ZNF529: variants seen among roughly 807,000 people sequenced by gnomAD.
ZNF529 encodes the protein zinc finger protein 529.
ZNF529 carries 11 observed loss-of-function variants against 10.1 expected under a neutral mutation model. That is an observed-to-expected ratio of 1.09 (90% confidence interval 0.69 to 1.81). The LOEUF is 1.81. ZNF529 is among the 40% of genes most tolerant of loss of function. ZNF529 has a pLI of 0.00. For synonymous variants in ZNF529, 204 were observed against 215.7 expected (o/e 0.95, Z 0.47); for missense variants, 624 against 666.8 (o/e 0.94, Z 0.71).
Position 36,547,937 on chromosome 19 carries a change from G to C in ZNF529, c.621C>G (p.Thr207=). 1 of 1,612,426 alleles carries C rather than the reference G, an allele frequency of 6.2e-7. No individual in the cohort carries two copies. The highest frequency in any genetic ancestry group is 1.1e-5 in the South Asian group (1 of 90,742). The stretch of plus-strand genomic sequence containing the variant: ...ACATACTGGAGTTATCTATCCCAAA[G>C]GTTTTCCAACATTGATTACATTCAT... The part of the protein sequence containing the change: ...KNYECNQCWK[T]FGIDNSSMLQ... The change falls in exon 5 of 5, where the codon ACC becomes ACG. Residue 207 remains threonine (T), a synonymous_variant. Transcript: ENST00000591340.
intron 2 of ZNF529, among the ~76,000 whole-genome samples, chr19:36,560,257 C>CAA (rs58196878): frequency 2.4e-3 from 253 of 103,324 alleles, no homozygotes; most frequent in Middle Eastern, 0.011. Flanking sequence ...AACTCCGTCT[C>CAA]AAAAAAAAAA....
intron 2 of ZNF529, among the ~76,000 whole-genome samples, chr19:36,566,831 C>T (rs911893305): frequency 2.6e-5 from 4 of 152,080 alleles, no homozygotes; most frequent in African/African-American, 9.7e-5. Flanking sequence ...ACCAGCCCGG[C>T]CAATATGGTA....
intron 2 of ZNF529, among the ~76,000 whole-genome samples, chr19:36,586,360 A>C (rs1325355902): frequency 2.6e-5 from 4 of 152,008 alleles, no homozygotes; most frequent in Non-Finnish European, 5.9e-5. Flanking sequence ...TAATCCCAGC[A>C]CTTTGGGAGG....
At chr19:36,587,648 T>G (rs945909269) in intron 2 of ZNF529, among the ~76,000 whole-genome samples, 2 of 152,216 alleles carry the variant, frequency 1.3e-5, no homozygotes, top group African/African-American at 4.8e-5. Context: ...AGATGTCATA[T>G]CCTTACCACA....
At chr19:36,596,108 C>G (rs1341990737) in intron 1 of ZNF529, among the ~76,000 whole-genome samples, 1 of 134,478 alleles carries the variant, frequency 7.4e-6, no homozygotes, top group African/African-American at 2.9e-5. Flanking sequence ...CTCTGTCACC[C>G]AGGCTGGAGT....
At chr19:36,558,070 G>C (rs950818146) in intron 2 of ZNF529, among the ~76,000 whole-genome samples, 17 of 152,020 alleles carry the variant, frequency 1.1e-4, no homozygotes, top group African/African-American at 3.9e-4. Flanking sequence ...GGACTCAATA[G>C]TAGACATGAA....
In ZNF529 at chr19:36,547,045, G is replaced by A. The variant is rs757025877; in HGVS notation, c.1513C>T (p.Pro505Ser). The change falls in exon 5 of 5, where the codon CCC becomes TCC. Residue 505 changes from proline (P) to serine (S), a missense_variant. Physicochemically the swap from Pro to Ser is moderately conservative, Grantham distance 74 (BLOSUM62 -1). Transcript: ENST00000591340. ...TTCCCACATGCCTTGCATTCATAGG[G>A]TTTTTCTCCAGTATGAATTCTCTGA... Reference protein sequence around the residue: ...EHQRIHTGEKPYECKACGKAF... With the variant: ...EHQRIHTGEKSYECKACGKAF... 1 of 1,613,994 alleles carries A rather than the reference G, an allele frequency of 6.2e-7. No homozygotes were observed.
At chr19:36,582,632 C>T (rs1174238220) in intron 2 of ZNF529, 3 of 150,346 alleles carry the variant, frequency 2.0e-5, no homozygotes, top group Admixed American at 6.6e-5. Context: ...GGCCTAAATC[C>T]GGGAGGAGGA....
At chr19:36,601,759 C>T (rs1173090851) in intron 1 of ZNF529, among the ~76,000 whole-genome samples, 1 of 151,954 alleles carries the variant, frequency 6.6e-6, no homozygotes, top group Admixed American at 6.6e-5. Context: ...CAAATTCACA[C>T]ACAGTATTAA....
chr19:36,582,211 A>C (rs2036478830), intron 2 of ZNF529: 2 of 152,188 alleles, frequency 1.3e-5, no homozygotes, highest in Admixed American at 6.5e-5. Flanking sequence ...TCACATTTAC[A>C]GGATGAAAAA....
rs2035092010 is a variant in ZNF529, at chr19:36,547,672, G to A, written c.886C>T (p.Gln296Ter). Residue 296 changes from glutamine (Q) to a stop codon, truncating the protein, a stop_gained, in exon 5 of 5, where the codon CAA becomes TAA. Transcript: ENST00000591340. LOFTEE classifies it low-confidence loss of function (END_TRUNC). ...TGGATTTTCTGATGTCGAGTAAGTTGTGCATGCACTCTAAAGGATTTCCCA... is the reference window on the plus strand; with the variant it reads ...TGGATTTTCTGATGTCGAGTAAGTTATGCATGCACTCTAAAGGATTTCCCA... ...FCGKSFRVHA[Q>*]LTRHQKIHTD... The A allele has an allele frequency of 1.2e-6, 2 of 1,613,846 alleles. No homozygotes were observed. The highest frequency in any genetic ancestry group is 4.5e-5 in the East Asian group (2 of 44,864).
At chr19:36,595,493 C>T (rs2036820684) in intron 1 of ZNF529, among the ~76,000 whole-genome samples, 5 of 152,152 alleles carry the variant, frequency 3.3e-5, no homozygotes, top group East Asian at 3.9e-4. Flanking sequence ...GCCAAGAGTT[C>T]GCGATCAGCC....
intron 2 of ZNF529, among the ~76,000 whole-genome samples, chr19:36,563,547 C>A (rs1600287794): frequency 6.6e-6 from 1 of 152,034 alleles, no homozygotes; most frequent in South Asian, 2.1e-4. Context: ...TTTACAATTG[C>A]CACTAAAAGA....
At chr19:36,584,998 C>A (rs2036549468) in intron 2 of ZNF529, among the ~76,000 whole-genome samples, 1 of 152,018 alleles carries the variant, frequency 6.6e-6, no homozygotes, top group African/African-American at 2.4e-5. Context: ...CAAGTATAAG[C>A]CTGATTAAAC....
chr19:36,589,117 A>T (rs1174861868), intron 2 of ZNF529, among the ~76,000 whole-genome samples: 2 of 151,806 alleles, frequency 1.3e-5, no homozygotes, highest in African/African-American at 4.8e-5. Context: ...AGCTAATTTT[A>T]CTTTTTATTT....
rs568077632 is a variant in ZNF529, at chr19:36,589,129, C to T, written c.-41+486G>A. ...CACAGCTAATTTTACTTTTTATTTT[C>T]TTGAGACAGGTCTCACTCTGTTGCC... On this transcript the variant is annotated intron_variant, in intron 2 of 4. Transcript: ENST00000585960. 2.1e-3 allele frequency among the ~76,000 whole-genome samples: 314 copies of T among 152,026 alleles called. 1 individual carries two copies. Among genetic ancestry groups the T allele is most frequent in the African/African-American group, 7.4e-3 (308 of 41,490 alleles).
In ZNF529 at chr19:36,596,690, T is replaced by A. The variant is rs76591376; in HGVS notation, c.-127-6989A>T. ...TGTCACCACACCCAGGTAATTTTTTTAAATTTTTAGTAAAGATGGGGTTTT... is the reference window on the plus strand; with the variant it reads ...TGTCACCACACCCAGGTAATTTTTTAAAATTTTTAGTAAAGATGGGGTTTT... On this transcript the variant is annotated intron_variant, in intron 1 of 4. Coordinates refer to the ZNF529 transcript ENST00000585960. Among the ~76,000 whole-genome samples the A allele has an allele frequency of 8.8e-4, 134 of 151,858 alleles. No homozygotes were observed. In the East Asian group the frequency reaches 0.023, roughly 26 times the overall value.
chr19:36,556,599 G>A (rs1187674150), intron 2 of ZNF529, among the ~76,000 whole-genome samples: 1 of 152,236 alleles, frequency 6.6e-6, no homozygotes, highest in Non-Finnish European at 1.5e-5. Context: ...TGGTACTGCT[G>A]AGCATACTGA....
chr19:36,600,528 T>C (rs186253531), intron 1 of ZNF529, among the ~76,000 whole-genome samples: 56 of 152,320 alleles, frequency 3.7e-4, no homozygotes, highest in African/African-American at 1.2e-3. Flanking sequence ...TTACATCACT[T>C]GGATGTAAAC....
Sources: allele counts gnomAD v4.1 joint callset (sites outside exome capture counted in the v4.1 genomes callset), GRCh38; gene constraint gnomAD v4.1.1; transcripts MANE v1.5; gene names NCBI Gene and HGNC (gene_info 2026-07-23, HGNC 2026-07-21).